The following TRIP11 variants were observed in gnomAD, a reference collection of about 807,000 sequenced individuals.
TRIP11 encodes thyroid hormone receptor interactor 11.
In TRIP11, 148 loss-of-function variants were observed where a neutral mutation model predicts 223.1. That is an observed-to-expected ratio of 0.66 (90% confidence interval 0.58 to 0.76). The LOEUF is 0.76. Among genes scored for constraint, TRIP11 ranks in the 30% least tolerant of loss-of-function variants. The probability of loss-of-function intolerance (pLI) is 0.00; values close to 1 mark genes in which losing one functional copy is unlikely to be tolerated. For missense variants in TRIP11, 2,043 were observed against 2,222.0 expected (o/e 0.92, Z 1.62); for synonymous variants, 762 against 772.6 (o/e 0.99, Z 0.23).
chr14:91,972,920 TA>T, intron 19 of TRIP11, 59 bp from the exon 20 acceptor site: 1 of 1,346,264 alleles, frequency 7.4e-7, no homozygotes, highest in Non-Finnish European at 1.0e-6. Flanking sequence ...TCACTACAAC[TA>T]AGGAAATGTA....
intron 15 of TRIP11, among the ~76,000 whole-genome samples, chr14:91,992,908 CAAAAAAAAAAAAA>C (rs550702989): frequency 8.5e-4 from 25 of 29,256 alleles, no homozygotes; most frequent in East Asian, 2.8e-3. Context: ...GACTCCGTCT[CAAAAAAAAAAAAA>C]AAAAAAAAAA....
At chr14:91,977,660 C>CTCCTAT (rs369484715) in intron 16 of TRIP11, among the ~76,000 whole-genome samples, 77,656 of 150,286 alleles carry the variant, frequency 0.52, 21,155 homozygotes, top group African/African-American at 0.69. Context: ...CAGGACTGCC[C>CTCCTAT]TCACCTTTCA....
chr14:91,999,203 T>TAAATA (rs1454631132), intron 13 of TRIP11, 37 bp downstream of exon 13: 2 of 1,598,718 alleles, frequency 1.3e-6, no homozygotes, highest in Non-Finnish European at 8.5e-7. Context: ...TTAAGAAGTG[T>TAAATA]TCAGTTAAAG....
rs1340212467 is a variant in TRIP11, at chr14:92,027,109, G to C, written c.202-1689C>G. 2.6e-5 allele frequency among the ~76,000 whole-genome samples: 4 copies of C among 151,814 alleles called. No homozygotes were observed. In the South Asian group the frequency reaches 8.3e-4, roughly 32 times the overall value. ...AAAGAACCAAAACTTCCAAGGCCCT[G>C]CTTTTTTTCTTAAAAGTATTTTAAA... On this transcript the variant is annotated intron_variant, in intron 2 of 20. Coordinates refer to ENST00000267622, the MANE Select transcript of TRIP11 (RefSeq NM_004239.4).
rs932454925 is a variant in TRIP11 at position 92,014,515 on chromosome 14, C to A, written c.886G>T (p.Val296Phe). 1 of 1,599,514 alleles carries A rather than the reference C, an allele frequency of 6.3e-7. No individual in the cohort carries two copies. Among genetic ancestry groups the A allele is most frequent in the East Asian group, 2.2e-5 (1 of 44,708 alleles). The change falls in exon 7 of 21, where the codon GTT becomes TTT. Residue 296 changes from valine to phenylalanine, a missense_variant. By Grantham distance (50) the Val-to-Phe change is conservative. Transcript: ENST00000267622. Reference sequence around the variant, plus strand: ...GACTCCACTTTTTCTATTTGTAGAACTTGAATAGTTTTTTGCATCTCATAG... The same window carrying A: ...GACTCCACTTTTTCTATTTGTAGAAATTGAATAGTTTTTTGCATCTCATAG... ...KIYEMQKTIQ[V>F]LQIEKVESTK...
chr14:91,969,891 T>C lies in TRIP11; in HGVS notation c.5722A>G (p.Thr1908Ala). 1 of 1,613,440 alleles carries C rather than the reference T, an allele frequency of 6.2e-7. No individual in the cohort carries two copies. Among genetic ancestry groups the C allele is most frequent in the Non-Finnish European group, 8.5e-7 (1 of 1,179,654 alleles). ...CTTCTACCAGACCTGGATTCTGCTGTATCTAAAGAATAAAATATGGATTTA... is the reference window on the plus strand; with the variant it reads ...CTTCTACCAGACCTGGATTCTGCTGCATCTAAAGAATAAAATATGGATTTA... The part of the protein sequence containing the change: ...DTNAPESFKD[T>A]AESRSGRRTD... The change falls in exon 21 of 21, where the codon ACA (threonine) becomes GCA (alanine). Residue 1908 changes from threonine to alanine, a missense_variant and splice_region_variant. Transcript: ENST00000267622.
chr14:92,032,724 T>C (rs1214816034), intron 2 of TRIP11, among the ~76,000 whole-genome samples: 2 of 151,368 alleles, frequency 1.3e-5, no homozygotes, highest in Non-Finnish European at 2.9e-5. Context: ...TCCCAGCTAC[T>C]CGGGGGGCTG....
At chr14:92,000,971 G>A (rs1027779779) in intron 11 of TRIP11, among the ~76,000 whole-genome samples, 16 of 150,572 alleles carry the variant, frequency 1.1e-4, no homozygotes, top group East Asian at 5.8e-4. Context: ...AGCAGTTCTC[G>A]TGCCTCAGCC....
At position 92,011,745 on chromosome 14, in the gene TRIP11, A is replaced by C. The variant is rs1232569657; in HGVS notation, c.1227+10T>G. 2 of 1,610,404 alleles carry C rather than the reference A, an allele frequency of 1.2e-6. No individual in the cohort carries two copies. The highest frequency in any genetic ancestry group is 1.7e-6 in the Non-Finnish European group (2 of 1,178,480). Reference sequence around the variant, plus strand: ...CTCTATGCACATAACATTTGTCAAAATTAATTTACCTGGTTTAAACTACTC... The same window carrying C: ...CTCTATGCACATAACATTTGTCAAACTTAATTTACCTGGTTTAAACTACTC... On this transcript the variant is annotated intron_variant, in intron 8 of 20. Transcript: ENST00000267622.
intron 5 of TRIP11, among the ~76,000 whole-genome samples, chr14:92,016,271 T>C (rs946857816): frequency 7.2e-5 from 11 of 152,196 alleles, no homozygotes; most frequent in Admixed American, 4.6e-4. Flanking sequence ...ACCAGTCTTA[T>C]TGGGACTCCC....
intron 15 of TRIP11, 25 bp downstream of exon 15, chr14:91,993,784 A>G (rs749929610): frequency 2.6e-6 from 4 of 1,549,020 alleles, no homozygotes; most frequent in Non-Finnish European, 3.6e-6. Flanking sequence ...AATAAAACCT[A>G]CAAGAGAAAA....
chr14:92,024,594 A>G (rs1195506228), intron 3 of TRIP11, among the ~76,000 whole-genome samples: 1 of 152,228 alleles, frequency 6.6e-6, no homozygotes, highest in Non-Finnish European at 1.5e-5. Flanking sequence ...TAGGAATTAG[A>G]AAGCATGACA....
At position 92,005,794 on chromosome 14, in the gene TRIP11, C is replaced by T. The variant is rs1352952407; in HGVS notation, c.2182G>A (p.Ala728Thr). Residue 728 changes from alanine (A) to threonine (T), a missense_variant, in exon 11 of 21, where the codon GCT becomes ACT. Ala to Thr is a moderately conservative substitution (Grantham distance 58). Coordinates refer to ENST00000267622, the MANE Select transcript of TRIP11 (RefSeq NM_004239.4). ...KGEIEAELCW[A>T]KKRLLEEANK... The stretch of plus-strand genomic sequence containing the variant: ...GCTTCTTCCAACAGCCTCTTTTTAG[C>T]CCAACACAATTCTGCCTCTATCTCT... The T allele has an allele frequency of 2.5e-6, 4 of 1,613,958 alleles. No homozygotes were observed. Among genetic ancestry groups the T allele is most frequent in the Non-Finnish European group, 3.4e-6 (4 of 1,180,036 alleles).
chr14:92,012,341 C>T (rs1273933908), intron 7 of TRIP11, among the ~76,000 whole-genome samples: 3 of 152,154 alleles, frequency 2.0e-5, no homozygotes, highest in Non-Finnish European at 4.4e-5. Context: ...ATTGATTCAA[C>T]ATTCACTCAG....
rs2056354861 is a variant in TRIP11 at position 91,967,754 on chromosome 14, G to C, written c.*1919C>G. Reference sequence around the variant, plus strand: ...TGTGTCTTTTTTAACTTAGAAACTAGTATTTCATTTCTCCACACTGAAATG... The same window carrying C: ...TGTGTCTTTTTTAACTTAGAAACTACTATTTCATTTCTCCACACTGAAATG... On this transcript the variant is annotated 3_prime_UTR_variant, in exon 21 of 21. Coordinates refer to ENST00000267622, the MANE Select transcript of TRIP11 (RefSeq NM_004239.4). 1 of 193,948 alleles carries C rather than the reference G, an allele frequency of 5.2e-6. No individual in the cohort carries two copies. Among genetic ancestry groups the C allele is most frequent in the Admixed American group, 6.1e-5 (1 of 16,438 alleles). The allele number at this position is 193,948 out of a possible 1,614,324, so 12.0% of individuals were successfully genotyped here.
chr14:91,993,775 A>C, intron 15 of TRIP11, 34 bp downstream of exon 15: 1 of 1,515,634 alleles, frequency 6.6e-7, no homozygotes, highest in Non-Finnish European at 9.2e-7. Flanking sequence ...TCCATGAATA[A>C]TAAAACCTAC....
At chr14:91,975,350 C>A in intron 17 of TRIP11, 64 bp from the exon 18 acceptor site, 1 of 1,050,238 alleles carries the variant, frequency 9.5e-7, no homozygotes, top group South Asian at 1.3e-5. Flanking sequence ...AAACACTAAG[C>A]ATAGAAATAT....
chr14:92,026,491 C>CA, intron 2 of TRIP11: 2 of 902,780 alleles, frequency 2.2e-6, no homozygotes, highest in Non-Finnish European at 3.6e-6. Flanking sequence ...CCGCAGCCGG[C>CA]AGCTTTATCG....
intron 5 of TRIP11, 109 bp downstream of exon 5, chr14:92,017,573 T>C: frequency 2.4e-6 from 2 of 841,288 alleles, no homozygotes; most frequent in South Asian, 1.5e-5. Flanking sequence ...CCATAATCTA[T>C]ATAATGATAA....
Sources: gnomAD v4.1 joint callset for allele counts (sites outside exome capture counted in the v4.1 genomes callset) on GRCh38, gnomAD v4.1.1 for gene constraint, MANE v1.5 for transcripts, NCBI Gene and HGNC (gene_info 2026-07-23, HGNC 2026-07-21) for gene names.